Variants in ADAMTS6 observed in about 807,000 individuals in gnomAD.
The protein encoded by ADAMTS6 is ADAM metallopeptidase with thrombospondin type 1 motif 6.
A neutral mutation model predicts 144.3 loss-of-function variants in ADAMTS6; 23 were observed. The ratio of observed to expected loss-of-function variants is 0.16; its 90% CI spans 0.11 to 0.23. ADAMTS6 has a LOEUF of 0.23. ADAMTS6 is among the 10% of genes least tolerant of loss of function. The pLI is 1.00. For synonymous variants in ADAMTS6, 444 were observed against 457.5 expected, an observed-to-expected ratio of 0.97 and a Z score of 0.38; for missense variants, 999 against 1,379.6, an observed-to-expected ratio of 0.72 and a Z score of 4.37.
At chr5:65,424,185 C>G (rs748722394) in intron 7 of ADAMTS6, among the ~76,000 whole-genome samples, 2 of 152,154 alleles carry the variant, frequency 1.3e-5, no homozygotes, top group African/African-American at 2.4e-5. Context: ...CCCTCTTCCT[C>G]TAAGTGTAAT....
chr5:65,170,757 C>G lies in ADAMTS6; in HGVS notation c.3104G>C (p.Gly1035Ala). Residue 1035 changes from glycine to alanine, a missense_variant, in exon 24 of 25, where the codon GGC becomes GCC. This residue lies in a region of ADAMTS6 where 619 missense variants were observed against 837.0 expected (regional missense o/e 0.74). Coordinates refer to ENST00000381055, the MANE Select transcript of ADAMTS6 (RefSeq NM_197941.4). ...CACAGTTCTCATCTGCTGTCCAAGG[C>G]CACACTGAGCAGAACACTAAATCCA... ...GDWGQCSAQC[G>A]LGQQMRTVQC... is the part of the protein sequence containing the mutation. The G allele has an allele frequency of 6.2e-7, 1 of 1,613,806 alleles. No individual in the cohort carries two copies. The highest frequency in any genetic ancestry group is 1.1e-5 in the South Asian group (1 of 91,046).
intron 7 of ADAMTS6, among the ~76,000 whole-genome samples, chr5:65,353,296 A>G (rs1749031072): frequency 1.3e-5 from 2 of 152,014 alleles, no homozygotes; most frequent in Admixed American, 1.3e-4. Context: ...TTCATTCTAC[A>G]ATTTCAATCT....
intron 7 of ADAMTS6, among the ~76,000 whole-genome samples, chr5:65,364,564 C>CTTTTTTT (rs1245835544): frequency 2.5e-5 from 3 of 117,848 alleles, no homozygotes; most frequent in Non-Finnish European, 3.6e-5. Flanking sequence ...GAATTTCTTT[C>CTTTTTTT]TTTTTTTTTT....
chr5:65,158,667 G>A (rs1384424427), intron 24 of ADAMTS6, among the ~76,000 whole-genome samples: 1 of 152,142 alleles, frequency 6.6e-6, no homozygotes, highest in African/African-American at 2.4e-5. Context: ...ACCCAGGGTG[G>A]CTTTAATTCA....
At chr5:65,190,860 G>C (rs1201726307) in intron 21 of ADAMTS6, among the ~76,000 whole-genome samples, 1 of 151,998 alleles carries the variant, frequency 6.6e-6, no homozygotes, top group East Asian at 1.9e-4. Flanking sequence ...TCTCTCTGAA[G>C]GATTAAATCA....
intron 7 of ADAMTS6, among the ~76,000 whole-genome samples, chr5:65,402,593 G>C (rs898973017): frequency 6.6e-6 from 1 of 151,956 alleles, no homozygotes; most frequent in African/African-American, 2.4e-5. Context: ...GAAACTTCCA[G>C]ATGCTCACAC....
chr5:65,298,867 T>C (rs1743104892), intron 10 of ADAMTS6, among the ~76,000 whole-genome samples: 1 of 152,118 alleles, frequency 6.6e-6, no homozygotes, highest in African/African-American at 2.4e-5. Flanking sequence ...AATCATAGTT[T>C]TCAAAATATA....
chr5:65,299,933 C>T (rs944657293), intron 10 of ADAMTS6, 52 bp downstream of exon 10: 29 of 1,572,178 alleles, frequency 1.8e-5, no homozygotes, highest in Admixed American at 1.9e-5. Context: ...TAGGCTTCTA[C>T]CAGTGGCTTA....
At chr5:65,365,576 G>A (rs1389357766) in intron 7 of ADAMTS6, among the ~76,000 whole-genome samples, 1 of 151,922 alleles carries the variant, frequency 6.6e-6, no homozygotes, top group African/African-American at 2.4e-5. Context: ...GAACCTGGGA[G>A]GCGGAGGTTT....
intron 7 of ADAMTS6, among the ~76,000 whole-genome samples, chr5:65,375,060 T>G (rs1240345536): frequency 2.6e-5 from 4 of 152,180 alleles, no homozygotes; most frequent in African/African-American, 7.2e-5. Context: ...TAGCCATATG[T>G]AGAAAGCTGA....
chr5:65,251,699 T>G (rs1269577081), intron 14 of ADAMTS6: 2 of 152,204 alleles, frequency 1.3e-5, no homozygotes, highest in African/African-American at 4.8e-5. Context: ...CTAATCAGCC[T>G]CAGAGTCTAG....
intron 11 of ADAMTS6, among the ~76,000 whole-genome samples, chr5:65,289,437 T>C (rs901845679): frequency 5.3e-5 from 8 of 151,884 alleles, no homozygotes; most frequent in Non-Finnish European, 1.2e-4. Context: ...GAGGCTGAGG[T>C]GAGAGAATAA....
intron 15 of ADAMTS6, 149 bp downstream of exon 15, chr5:65,241,955 A>G (rs2112494482): frequency 2.4e-6 from 1 of 424,700 alleles, no homozygotes; most frequent in East Asian, 3.5e-5. Flanking sequence ...AAGCCTTTAT[A>G]GTACTATAAG....
chr5:65,286,058 T>C (rs973986834), intron 11 of ADAMTS6, among the ~76,000 whole-genome samples: 3 of 152,174 alleles, frequency 2.0e-5, no homozygotes, highest in Non-Finnish European at 2.9e-5. Context: ...CCTAAAGCAG[T>C]ACCAGCATTA....
chr5:65,213,604 C>T (rs979575194), intron 20 of ADAMTS6, among the ~76,000 whole-genome samples: 10 of 150,866 alleles, frequency 6.6e-5, no homozygotes, highest in Non-Finnish European at 1.2e-4. Context: ...CACTGCACTC[C>T]AGCTTGGGCA....
chr5:65,320,434 C>T (rs1387875154), intron 9 of ADAMTS6, among the ~76,000 whole-genome samples: 1 of 151,724 alleles, frequency 6.6e-6, no homozygotes, highest in Non-Finnish European at 1.5e-5. Flanking sequence ...AAAAATCTTC[C>T]CACAATAAAA....
chr5:65,232,912 C>T, intron 15 of ADAMTS6, among the ~76,000 whole-genome samples: 1 of 152,030 alleles, frequency 6.6e-6, no homozygotes, highest in East Asian at 1.9e-4. Context: ...AATTATAAGC[C>T]AATATCCCTG....
chr5:65,405,179 G>A (rs1339026132), intron 7 of ADAMTS6, among the ~76,000 whole-genome samples: 7 of 152,142 alleles, frequency 4.6e-5, no homozygotes, highest in African/African-American at 1.7e-4. Context: ...TTTGGCTTTT[G>A]TTGCCATTGC....
chr5:65,245,268 T>C (rs557825626), intron 14 of ADAMTS6, among the ~76,000 whole-genome samples: 1 of 152,122 alleles, frequency 6.6e-6, no homozygotes, highest in East Asian at 1.9e-4. Context: ...AGCTGACTTA[T>C]GGTTGGGTTC....
Sources: allele counts gnomAD v4.1 joint callset (sites outside exome capture counted in the v4.1 genomes callset), GRCh38; gene constraint gnomAD v4.1.1; regional missense constraint gnomAD v4.1.1; transcripts MANE v1.5; gene names NCBI Gene and HGNC (gene_info 2026-07-23, HGNC 2026-07-21).